Variants in KIF16B observed in about 807,000 individuals in gnomAD.
The protein encoded by KIF16B is kinesin-like protein KIF16B.
In KIF16B, 98 loss-of-function variants were observed where a neutral mutation model predicts 156.3. The observed-to-expected ratio is 0.63, with a 90% CI of 0.53 to 0.74. The LOEUF (loss-of-function observed/expected upper bound fraction) is 0.74. Ranked by LOEUF, KIF16B falls within the 30% of genes least tolerant of loss-of-function variation. The probability of loss-of-function intolerance (pLI) is 0.00; values close to 1 mark genes in which losing one functional copy is unlikely to be tolerated. For synonymous variants in KIF16B, 564 were observed against 583.7 expected, an observed-to-expected ratio of 0.97 and a Z score of 0.49; for missense variants, 1,421 against 1,606.5, an observed-to-expected ratio of 0.88 and a Z score of 1.97.
intron 24 of KIF16B, among the ~76,000 whole-genome samples, chr20:16,324,762 G>T (rs969833026): frequency 6.6e-6 from 1 of 151,902 alleles, no homozygotes; most frequent in Non-Finnish European, 1.5e-5. Flanking sequence ...TATTCCAAAA[G>T]ATAGAGAAAG....
intron 12 of KIF16B, among the ~76,000 whole-genome samples, chr20:16,487,348 T>G (rs946146521): frequency 2.6e-5 from 4 of 152,140 alleles, no homozygotes; most frequent in African/African-American, 9.7e-5. Flanking sequence ...ACCAGAGGAT[T>G]CAGTGCCCTG....
chr20:16,383,931 G>A (rs1309438275), intron 17 of KIF16B, among the ~76,000 whole-genome samples: 1 of 152,168 alleles, frequency 6.6e-6, no homozygotes, highest in South Asian at 2.1e-4. Context: ...CTAGAAACAG[G>A]TTTTGTGTTT....
intron 25 of KIF16B, among the ~76,000 whole-genome samples, chr20:16,277,459 T>TTTTATATATATATA (rs74175678): frequency 6.9e-6 from 1 of 143,908 alleles, no homozygotes; most frequent in African/African-American, 2.5e-5. Flanking sequence ...TATGTACATA[T>TTTTATATATATATA]TATATATATA....
chr20:16,431,399 G>A (rs541268508), intron 12 of KIF16B, among the ~76,000 whole-genome samples: 6 of 152,132 alleles, frequency 3.9e-5, no homozygotes, highest in Admixed American at 1.3e-4. Flanking sequence ...ATCTTCTGCC[G>A]CTCTCCCCTT....
Position 16,494,272 on chromosome 20 carries a change from A to G in KIF16B, c.1302+19T>C. On this transcript the variant is annotated intron_variant, in intron 12 of 25. Coordinates refer to ENST00000354981, the MANE Select transcript of KIF16B (RefSeq NM_024704.5). The stretch of plus-strand genomic sequence containing the variant: ...TTAATCCACCATAGTAAGACTAAAC[A>G]CATTTTTCTAGTCCTTACTTTCAAA... The G allele has an allele frequency of 1.3e-6, 2 of 1,516,722 alleles. No individual in the cohort carries two copies. The highest frequency in any genetic ancestry group is 1.2e-5 in the South Asian group (1 of 84,414). 94.0% of individuals were successfully genotyped at this position (1,516,722 alleles called of 1,614,324 possible).
At chr20:16,306,622 G>A (rs2063544326) in intron 25 of KIF16B, among the ~76,000 whole-genome samples, 2 of 152,152 alleles carry the variant, frequency 1.3e-5, no homozygotes, top group South Asian at 4.1e-4. Flanking sequence ...GCAAGTAAAT[G>A]TAACAAACTG....
At chr20:16,467,532 A>C (rs1456381960) in intron 12 of KIF16B, among the ~76,000 whole-genome samples, 1 of 152,246 alleles carries the variant, frequency 6.6e-6, no homozygotes, top group Non-Finnish European at 1.5e-5. Context: ...GCATTAATGG[A>C]AAAAGTAGAC....
At chr20:16,449,043 C>G (rs2067010068) in intron 12 of KIF16B, among the ~76,000 whole-genome samples, 2 of 151,582 alleles carry the variant, frequency 1.3e-5, no homozygotes, top group Admixed American at 6.6e-5. Context: ...ATGAAAGTGT[C>G]AAGAATAAAT....
chr20:16,301,935 C>A (rs1479194139), intron 25 of KIF16B, among the ~76,000 whole-genome samples: 1 of 152,194 alleles, frequency 6.6e-6, no homozygotes, highest in Non-Finnish European at 1.5e-5. Context: ...CAGGCGTGAG[C>A]CACCATGCTT....
chr20:16,513,368 A>T (rs2069021880), intron 4 of KIF16B, among the ~76,000 whole-genome samples: 1 of 152,140 alleles, frequency 6.6e-6, no homozygotes, highest in Non-Finnish European at 1.5e-5. Context: ...CCACATTAAA[A>T]TCCATGCTGG....
Position 16,273,212 on chromosome 20 carries a change from G to A in KIF16B, c.*41C>T, listed in dbSNP as rs541520531. The stretch of plus-strand genomic sequence containing the variant: ...GCCCTGCATCGGAGCCCGCTTCGAC[G>A]AGAAGGCACTGCTGTGGTGGTTCCT... On this transcript the variant is annotated 3_prime_UTR_variant, in exon 26 of 26. Transcript: ENST00000354981. 7.6e-6 allele frequency: 12 copies of A among 1,586,522 alleles called. No homozygotes were observed. Among genetic ancestry groups the A allele is most frequent in the African/African-American group, 2.7e-5 (2 of 74,430 alleles).
intron 12 of KIF16B, among the ~76,000 whole-genome samples, chr20:16,491,708 C>T (rs2068297705): frequency 6.6e-6 from 1 of 152,094 alleles, no homozygotes; most frequent in Non-Finnish European, 1.5e-5. Flanking sequence ...CAGATCAAAG[C>T]CCAAGGCTCC....
At chr20:16,567,307 C>T (rs1168810400) in intron 1 of KIF16B, among the ~76,000 whole-genome samples, 1 of 152,144 alleles carries the variant, frequency 6.6e-6, no homozygotes. Context: ...TCTATATGGT[C>T]GCTGGCAATA....
intron 1 of KIF16B, among the ~76,000 whole-genome samples, chr20:16,549,768 T>C (rs1246247143): frequency 3.7e-5 from 5 of 134,636 alleles, no homozygotes; most frequent in Non-Finnish European, 7.8e-5. Flanking sequence ...ATTTAATAAA[T>C]GGTGCTGGGA....
In KIF16B at chr20:16,385,476, T is replaced by C. The variant is rs76378429; in HGVS notation, c.1785-3729A>G. On this transcript the variant is annotated intron_variant, in intron 17 of 25. Transcript: ENST00000354981. The stretch of plus-strand genomic sequence containing the variant: ...GAGCCCAGAGATCAGCAGGTCTGAA[T>C]ACAAATTCTAGTGTTCTGAGACCAT... Among the ~76,000 whole-genome samples the C allele has an allele frequency of 2.4e-3, 367 of 152,306 alleles. 6 individuals are homozygous for C. In the East Asian group the frequency reaches 0.061, roughly 25 times the overall value.
intron 25 of KIF16B, among the ~76,000 whole-genome samples, chr20:16,286,951 G>A (rs140813389): frequency 6.6e-6 from 1 of 152,318 alleles, no homozygotes; most frequent in African/African-American, 2.4e-5. Flanking sequence ...GTCCTTAGTG[G>A]AGTCATGATC....
In KIF16B at chr20:16,367,638, G is replaced by A. The variant is rs769898516; in HGVS notation, c.3498+2948C>T. The A allele has an allele frequency of 2.0e-5, 32 of 1,612,540 alleles. No individual in the cohort carries two copies. The South Asian group carries it at 3.2e-4, about 16-fold the overall frequency. On this transcript the variant is annotated intron_variant, in intron 22 of 25. Coordinates refer to ENST00000354981, the MANE Select transcript of KIF16B (RefSeq NM_024704.5). ...TGACTTCCATATTTCCATGAAGAAA[G>A]TAAATCATGTCAACCAAGGTAGTCT...
chr20:16,562,219 T>A (rs2071087846), intron 1 of KIF16B, among the ~76,000 whole-genome samples: 1 of 152,218 alleles, frequency 6.6e-6, no homozygotes, highest in African/African-American at 2.4e-5. Context: ...AAACTGTGTA[T>A]CATTTAAACA....
chr20:16,379,860 T>C lies in KIF16B; in HGVS notation c.2142A>G (p.Glu714=), dbSNP rs1288606816. ...TCTCAGCCTTCTCGTTGTTGTTGAG[T>C]TCTTTGAGTCGTTGGAGTTCTTCTT... ...RVQEELQRLK[E]LNNNEKAEKF... Residue 714 remains glutamate (E), a synonymous_variant, in exon 19 of 26, where the codon GAA becomes GAG. Coordinates refer to ENST00000354981, the MANE Select transcript of KIF16B (RefSeq NM_024704.5). The C allele has an allele frequency of 1.9e-6, 3 of 1,614,108 alleles. No homozygotes were observed. The highest frequency in any genetic ancestry group is 2.2e-5 in the East Asian group (1 of 44,894).
Sources: gnomAD v4.1 joint callset for allele counts (sites outside exome capture counted in the v4.1 genomes callset) on GRCh38, gnomAD v4.1.1 for gene constraint, MANE v1.5 for transcripts, NCBI Gene and HGNC (gene_info 2026-07-23, HGNC 2026-07-21) for gene names.